Variants in SHANK2 observed in about 807,000 individuals in gnomAD.
SHANK2 encodes the protein SH3 and multiple ankyrin repeat domains 2, also known as SH3 and multiple ankyrin repeat domains protein 2.
SHANK2 carries 43 observed loss-of-function variants against 133.7 expected under a neutral mutation model. The ratio of observed to expected loss-of-function variants is 0.32; its 90% CI spans 0.25 to 0.41. The LOEUF (loss-of-function observed/expected upper bound fraction) is 0.41. Ranked by LOEUF, SHANK2 falls within the 10% of genes least tolerant of loss-of-function variation. The pLI is 1.00. For missense variants in SHANK2, 1,994 were observed against 2,235.8 expected (o/e 0.89, Z 2.18); for synonymous variants, 1,017 against 952.8 (o/e 1.07, Z -1.24).
At chr11:70,710,772 C>T (rs530266460) in intron 14 of SHANK2, among the ~76,000 whole-genome samples, 3 of 152,262 alleles carry the variant, frequency 2.0e-5, no homozygotes, top group Admixed American at 2.0e-4. Context: ...AGGCCTCAGA[C>T]CCCTCCACCG....
At chr11:70,556,710 G>C (rs1272696025) in intron 17 of SHANK2, among the ~76,000 whole-genome samples, 1 of 151,162 alleles carries the variant, frequency 6.6e-6, no homozygotes, top group Non-Finnish European at 1.5e-5. Flanking sequence ...TCCTGCCTCA[G>C]CCTCCTGAGT....
chr11:70,950,182 C>T, intron 10 of SHANK2: 1 of 454,822 alleles, frequency 2.2e-6, no homozygotes, highest in Non-Finnish European at 4.4e-6. Flanking sequence ...CCTCAGCCTC[C>T]CGAGTAGCTG....
At chr11:70,688,729 C>T (rs1555020300) in intron 15 of SHANK2, among the ~76,000 whole-genome samples, 1 of 152,124 alleles carries the variant, frequency 6.6e-6, no homozygotes, top group Non-Finnish European at 1.5e-5. Flanking sequence ...ACGGGCTTGT[C>T]TAACTCATGA....
chr11:70,776,471 G>C (rs951000297), intron 14 of SHANK2, among the ~76,000 whole-genome samples: 8 of 152,184 alleles, frequency 5.3e-5, no homozygotes, highest in Non-Finnish European at 1.5e-5. Flanking sequence ...TGGGATGCCA[G>C]TGATGTTGCT....
intron 13 of SHANK2, among the ~76,000 whole-genome samples, chr11:70,799,964 C>T (rs1590694619): frequency 6.6e-6 from 1 of 152,282 alleles, no homozygotes; most frequent in Non-Finnish European, 1.5e-5. Context: ...ACTGTGATAA[C>T]TATTTCTGTC....
chr11:71,063,280 T>A (rs961850239), intron 9 of SHANK2, among the ~76,000 whole-genome samples: 7 of 152,206 alleles, frequency 4.6e-5, no homozygotes, highest in Non-Finnish European at 8.8e-5. Flanking sequence ...GGAGTCAATA[T>A]CATACCTCCG....
rs1466215242 is a variant in SHANK2, at chr11:70,659,736, G to T, written c.2061+92C>A. 9.2e-6 allele frequency: 14 copies of T among 1,518,294 alleles called. No individual in the cohort carries two copies. The Admixed American group carries it at 1.4e-4, about 15-fold the overall frequency. The allele number at this position is 1,518,294 out of a possible 1,614,324, so 94.1% of individuals were successfully genotyped here. The stretch of plus-strand genomic sequence containing the variant: ...CAGCCTCCACAAGCACCCCCAGACT[G>T]GGCCTCGTGGCTGTGCTGCCAGGAC... On this transcript the variant is annotated intron_variant, in intron 17 of 25. Coordinates refer to ENST00000601538, the MANE Select transcript of SHANK2 (RefSeq NM_012309.5).
At chr11:71,130,792 C>G (rs1952286349) in intron 3 of SHANK2, among the ~76,000 whole-genome samples, 2 of 151,998 alleles carry the variant, frequency 1.3e-5, no homozygotes, top group Non-Finnish European at 2.9e-5. Context: ...CGTGGCCCCA[C>G]AGGGATATTC....
rs538972072 is a variant in SHANK2 at position 70,776,993 on chromosome 11, C to G, written c.1777+21450G>C. ...CCCATTTATCCATCTACTCAGCCAC[C>G]CTTCTGTCCTCCAACCTACCCACCT... On this transcript the variant is annotated intron_variant, in intron 14 of 25. Transcript: ENST00000601538. Among the ~76,000 whole-genome samples, 5 of 151,130 alleles carry G rather than the reference C, an allele frequency of 3.3e-5. No individual in the cohort carries two copies. In the East Asian group the frequency reaches 5.9e-4, roughly 18 times the overall value.
chr11:70,493,809 C>A (rs2058931270), intron 21 of SHANK2, among the ~76,000 whole-genome samples: 1 of 152,222 alleles, frequency 6.6e-6, no homozygotes, highest in African/African-American at 2.4e-5. Flanking sequence ...ACCCTAAGCC[C>A]ACTCTTGGGG....
intron 12 of SHANK2, among the ~76,000 whole-genome samples, chr11:70,812,776 T>G (rs1332844944): frequency 6.6e-6 from 1 of 152,230 alleles, no homozygotes; most frequent in East Asian, 1.9e-4. Context: ...AGGACTGGTC[T>G]GAAGTTCCTG....
chr11:70,486,369 C>T lies in SHANK2; in HGVS notation c.3924G>A (p.Gln1308=), dbSNP rs781839887. The T allele has an allele frequency of 1.9e-6, 3 of 1,613,966 alleles. No homozygotes were observed. The Admixed American group carries it at 5.0e-5, about 27-fold the overall frequency. Residue 1308 remains glutamine (Q), a synonymous_variant, in exon 25 of 26, where the codon CAG becomes CAA. Transcript: ENST00000601538. The surrounding 1 kb of genome is among the most constrained non-coding windows in gnomAD (Gnocchi z 8.0). ...GCACCATCAGCAGGCCAGCCGACTT[C>T]TGCTGGGACGTGTCCATGATGTCGA... ...MLIDIMDTSQ[Q]KSAGLLMVHT...
chr11:70,887,738 A>T (rs555259145), intron 11 of SHANK2, among the ~76,000 whole-genome samples: 4 of 152,288 alleles, frequency 2.6e-5, no homozygotes, highest in African/African-American at 9.6e-5. Flanking sequence ...CAAGTCAGAA[A>T]AATGTGTGGT....
At chr11:70,841,176 C>G (rs1279026798) in intron 11 of SHANK2, among the ~76,000 whole-genome samples, 1 of 152,170 alleles carries the variant, frequency 6.6e-6, no homozygotes. Context: ...GAGGCTAGGG[C>G]AGGAGAATCG....
At chr11:70,791,233 C>T (rs1395301667) in intron 14 of SHANK2, among the ~76,000 whole-genome samples, 7 of 152,304 alleles carry the variant, frequency 4.6e-5, no homozygotes, top group Non-Finnish European at 8.8e-5. Flanking sequence ...TTCACAAACG[C>T]GGTGGGCCAA....
chr11:70,703,644 C>T (rs1451631157), intron 14 of SHANK2, among the ~76,000 whole-genome samples: 1 of 152,062 alleles, frequency 6.6e-6, no homozygotes, highest in Non-Finnish European at 1.5e-5. Flanking sequence ...CTGAGGCAGA[C>T]GAGGGGAGGA....
At chr11:70,667,702 G>A (rs1224058796) in intron 15 of SHANK2, 2 of 152,270 alleles carry the variant, frequency 1.3e-5, no homozygotes, top group African/African-American at 4.8e-5. Flanking sequence ...GATCCTCGAG[G>A]TGATGTCCAT....
chr11:70,754,781 G>A (rs1946830588), intron 14 of SHANK2, among the ~76,000 whole-genome samples: 1 of 152,160 alleles, frequency 6.6e-6, no homozygotes, highest in Non-Finnish European at 1.5e-5. Context: ...AGGATGAAAA[G>A]TCCAGGTGTC....
intron 3 of SHANK2, among the ~76,000 whole-genome samples, chr11:71,134,125 G>A (rs1381966025): frequency 6.6e-6 from 1 of 151,882 alleles, no homozygotes; most frequent in Non-Finnish European, 1.5e-5. Context: ...GGCCCGGAGT[G>A]GGCACTGGAC....
Sources: gnomAD v4.1 joint callset for allele counts (sites outside exome capture counted in the v4.1 genomes callset) on GRCh38, gnomAD v4.1.1 for gene constraint, Gnocchi (gnomAD v3.1) non-coding constraint, MANE v1.5 for transcripts, NCBI Gene and HGNC (gene_info 2026-07-23, HGNC 2026-07-21) for gene names.